Variants in CD1D observed in about 807,000 individuals in gnomAD.
CD1D encodes the protein CD1d molecule.
Under a neutral mutation model 42.1 loss-of-function variants are expected in CD1D, and 40 were observed. The ratio of observed to expected loss-of-function variants is 0.95; its 90% CI spans 0.74 to 1.24. The LOEUF (loss-of-function observed/expected upper bound fraction) is 1.24. Ranked by LOEUF, CD1D falls within the 50% of genes most tolerant of loss-of-function variation. The pLI, the probability that CD1D is intolerant of heterozygous loss-of-function variation, is 0.00. For synonymous variants in CD1D, 178 were observed against 171.8 expected (o/e 1.04, Z -0.28); for missense variants, 437 against 416.5 (o/e 1.05, Z -0.43).
chr1:158,181,993 T>A, intron 2 of CD1D, 39 bp from the exon 3 acceptor site: 1 of 1,553,140 alleles, frequency 6.4e-7, no homozygotes, highest in Non-Finnish European at 8.7e-7. Flanking sequence ...TCCCAGTCTT[T>A]TAAACCCTTC....
intron 1 of CD1D, 47 bp downstream of exon 1, chr1:158,181,209 G>C: frequency 1.3e-6 from 2 of 1,546,284 alleles, no homozygotes; most frequent in Non-Finnish European, 1.7e-6. Flanking sequence ...AGGGCGGAGA[G>C]AGGGAGCTGG....
At chr1:158,179,000 C>T (rs529529705), upstream of CD1D, among the ~76,000 whole-genome samples, 2 of 149,512 alleles carry the variant, frequency 1.3e-5, no homozygotes, top group Admixed American at 1.3e-4. Flanking sequence ...GATAAACAAA[C>T]AAAAACAAAA....
chr1:158,181,057 G>T lies in CD1D; in HGVS notation c.-45G>T. The T allele has an allele frequency of 6.6e-7, 1 of 1,508,040 alleles. No individual in the cohort carries two copies. The highest frequency in any genetic ancestry group is 8.9e-7 in the Non-Finnish European group (1 of 1,121,744). The allele number at this position is 1,508,040 out of a possible 1,614,324, so 93.4% of individuals were successfully genotyped here. A position where few individuals can be genotyped will look rare whatever the true frequency, so the allele number is the denominator to read the frequency against. ...GGGGGAGAAGAGTGCGCAGGTCAGAGGGCGGCGCGCAGCGGCGCTCCGCGA... is the reference window on the plus strand; with the variant it reads ...GGGGGAGAAGAGTGCGCAGGTCAGATGGCGGCGCGCAGCGGCGCTCCGCGA... On this transcript the variant is annotated 5_prime_UTR_variant, in exon 1 of 6. The change creates a new upstream start codon in the 5' untranslated region. Transcript: ENST00000674085.
At chr1:158,181,279 G>C in intron 1 of CD1D, 117 bp downstream of exon 1, 1 of 1,428,346 alleles carries the variant, frequency 7.0e-7, no homozygotes, top group South Asian at 1.3e-5. Context: ...GCACTGGCGC[G>C]ATCTAGGTAG....
rs2101586220 is a variant in CD1D, at chr1:158,186,346, C to T, written c.*2196C>T. On this transcript the variant is annotated 3_prime_UTR_variant, in exon 6 of 6. Transcript: ENST00000674085. ...TACTGATGTCCTTTTGGAAATGCCTCTGCATGAATTTATGGTAGCTCTGAC... is the reference window on the plus strand; with the variant it reads ...TACTGATGTCCTTTTGGAAATGCCTTTGCATGAATTTATGGTAGCTCTGAC... 6.6e-6 allele frequency among the ~76,000 whole-genome samples: 1 copy of T among 152,278 alleles called. No homozygotes were observed. Among genetic ancestry groups the T allele is most frequent in the Admixed American group, 6.5e-5 (1 of 15,292 alleles).
At chr1:158,180,748 T>C (rs1472993875), upstream of CD1D, 1 of 260,076 alleles carries the variant, frequency 3.8e-6, no homozygotes, top group African/African-American at 2.2e-5. Flanking sequence ...CAACCTTATG[T>C]CCTGCTTCCA....
In CD1D at chr1:158,182,316, C is replaced by T. The variant is rs1648480066; in HGVS notation, c.607+6C>T. ...GTCGGAACTGAAGAAGCAAGGTCAG[C>T]CTGCCTTCCTTACTCCCTGCATTCC... is the stretch of plus-strand genomic sequence containing the variant. On this transcript the variant is annotated splice_donor_region_variant and intron_variant, in intron 3 of 5. Transcript: ENST00000674085. The T allele has an allele frequency of 6.2e-7, 1 of 1,614,070 alleles. No individual in the cohort carries two copies. The highest frequency in any genetic ancestry group is 1.3e-5 in the African/African-American group (1 of 75,040).
Position 158,181,112 on chromosome 1 carries a change from T to G in CD1D, c.11T>G (p.Leu4Arg), listed in dbSNP as rs1648378075. 1 of 1,547,828 alleles carries G rather than the reference T, an allele frequency of 6.5e-7. No homozygotes were observed. Among genetic ancestry groups the G allele is most frequent in the African/African-American group, 1.4e-5 (1 of 72,930 alleles). The change falls in exon 1 of 6, where the codon CTG becomes CGG. Residue 4 changes from leucine (L) to arginine (R), a missense_variant. By Grantham distance (102) the Leu-to-Arg change is moderately radical. Transcript: ENST00000674085. The stretch of plus-strand genomic sequence containing the variant: ...CCCACGCCGGGCGATATGGGGTGCC[T>G]GCTGTTTCTGCTGCTCTGGGCGCTC... MGC[L>R]LFLLLWALLQ...
At position 158,185,443 on chromosome 1, in the gene CD1D, C is replaced by A. The variant is rs867989190; in HGVS notation, c.*1293C>A. ...CTTGGATATGCCTATAATCCAAGTG[C>A]TTTGGGAGGCTGAGATAGGAGGATT... On this transcript the variant is annotated 3_prime_UTR_variant, in exon 6 of 6. Coordinates refer to ENST00000674085, the MANE Select transcript of CD1D (RefSeq NM_001371762.2). Among the ~76,000 whole-genome samples the A allele has an allele frequency of 1.8e-4, 27 of 152,222 alleles. No homozygotes were observed. Among genetic ancestry groups the A allele is most frequent in the Non-Finnish European group, 2.9e-5 (2 of 67,988 alleles).
upstream of CD1D, among the ~76,000 whole-genome samples, chr1:158,179,299 A>C (rs3754472): frequency 6.6e-6 from 1 of 152,176 alleles, no homozygotes; most frequent in Non-Finnish European, 1.5e-5. Flanking sequence ...TGTTATTTTA[A>C]GCTTTTTTGG....
chr1:158,181,795 G>C, intron 2 of CD1D, 74 bp downstream of exon 2: 1 of 1,552,770 alleles, frequency 6.4e-7, no homozygotes, highest in Non-Finnish European at 8.8e-7. Context: ...CTGGGAGACT[G>C]TGGCACCACC....
chr1:158,183,075 G>A lies in CD1D; in HGVS notation c.805G>A (p.Val269Met), dbSNP rs1648530358. Residue 269 changes from valine (V) to methionine (M), a missense_variant, in exon 4 of 6, where the codon GTG (valine) becomes ATG (methionine). Val to Met is a conservative substitution (Grantham distance 21). Transcript: ENST00000674085. Reference sequence around the variant, plus strand: ...ATGGTATCTCCGAGCAACCCTGGATGTGGTGGCTGGGGAGGCAGCTGGCCT... The same window carrying A: ...ATGGTATCTCCGAGCAACCCTGGATATGGTGGCTGGGGAGGCAGCTGGCCT... ...ETWYLRATLD[V>M]VAGEAAGLSC... 1 of 1,614,082 alleles carries A rather than the reference G, an allele frequency of 6.2e-7. No homozygotes were observed. The highest frequency in any genetic ancestry group is 1.3e-5 in the African/African-American group (1 of 74,926).
Position 158,183,044 on chromosome 1 carries a change from C to T in CD1D, c.774C>T (p.Asp258=), listed in dbSNP as rs780403284. ...CAGGGGACATCCTGCCCAATGCTGACGAGACATGGTATCTCCGAGCAACCC... is the reference window on the plus strand; with the variant it reads ...CAGGGGACATCCTGCCCAATGCTGATGAGACATGGTATCTCCGAGCAACCC... ...TQPGDILPNA[D]ETWYLRATLD... is the part of the protein sequence containing the mutation. The change falls in exon 4 of 6, where the codon GAC becomes GAT. Residue 258 remains aspartate, a synonymous_variant. Transcript: ENST00000674085. 2.4e-5 allele frequency: 38 copies of T among 1,614,000 alleles called. No individual in the cohort carries two copies. The highest frequency in any genetic ancestry group is 7.7e-5 in the South Asian group (7 of 91,086).
Position 158,181,087 on chromosome 1 carries a change from C to A in CD1D, c.-15C>A. 6.5e-7 allele frequency: 1 copy of A among 1,543,164 alleles called. No individual in the cohort carries two copies. Among genetic ancestry groups the A allele is most frequent in the Non-Finnish European group, 8.7e-7 (1 of 1,143,560 alleles). On this transcript the variant is annotated 5_prime_UTR_variant, in exon 1 of 6. Coordinates refer to ENST00000674085, the MANE Select transcript of CD1D (RefSeq NM_001371762.2). ...GCGCGCAGCGGCGCTCCGCGAGGTC[C>A]CCACGCCGGGCGATATGGGGTGCCT...
chr1:158,183,122 C>A lies in CD1D; in HGVS notation c.852C>A (p.Ser284Arg). 1 of 1,613,296 alleles carries A rather than the reference C, an allele frequency of 6.2e-7. No homozygotes were observed. Among genetic ancestry groups the A allele is most frequent in the South Asian group, 1.1e-5 (1 of 90,978 alleles). ...GCCTGTCCTGTCGGGTGAAGCACAG[C>A]AGTCTAGAGGGCCAGGACATCGTCC... ...AAGLSCRVKH[S>R]SLEGQDIVLY... The change falls in exon 4 of 6, where the codon AGC becomes AGA. Residue 284 changes from serine to arginine, a missense_variant. Physicochemically the swap from Ser to Arg is moderately radical, Grantham distance 110 (BLOSUM62 -1). Transcript: ENST00000674085.
At chr1:158,183,229 G>A (rs146500563) in intron 4 of CD1D, 73 bp downstream of exon 4, 38 of 1,521,702 alleles carry the variant, frequency 2.5e-5, no homozygotes, top group African/African-American at 2.5e-4. Flanking sequence ...CACTGGGGTG[G>A]GATGTGGCTT....
Position 158,184,364 on chromosome 1 carries a change from A to T in CD1D, c.*214A>T. 1 of 599,292 alleles carries T rather than the reference A, an allele frequency of 1.7e-6. No homozygotes were observed. Among genetic ancestry groups the T allele is most frequent in the South Asian group, 2.1e-5 (1 of 48,546 alleles). The allele number at this position is 599,292 out of a possible 1,614,324, so 37.1% of individuals were successfully genotyped here. A position where few individuals can be genotyped will look rare whatever the true frequency, so the allele number is the denominator to read the frequency against. On this transcript the variant is annotated 3_prime_UTR_variant, in exon 6 of 6. Coordinates refer to ENST00000674085, the MANE Select transcript of CD1D (RefSeq NM_001371762.2). ...TAAATTCTTTTTCAAAAATTACACT[A>T]CAAGTTTATAAGCCCAAATGGCTCT... is the stretch of plus-strand genomic sequence containing the variant.
At chr1:158,183,201 C>T (rs1183280766) in intron 4 of CD1D, 45 bp downstream of exon 4, 1 of 1,564,744 alleles carries the variant, frequency 6.4e-7, no homozygotes, top group Non-Finnish European at 8.7e-7. Context: ...GGAGGTGGTC[C>T]TCAGGCATAG....
chr1:158,183,226 G>A (rs558792729), intron 4 of CD1D, 70 bp downstream of exon 4: 1 of 1,527,140 alleles, frequency 6.5e-7, no homozygotes, highest in African/African-American at 1.4e-5. Context: ...AGGCACTGGG[G>A]TGGGATGTGG....
Sources: allele counts gnomAD v4.1 joint callset (sites outside exome capture counted in the v4.1 genomes callset), GRCh38; gene constraint gnomAD v4.1.1; transcripts MANE v1.5; gene names NCBI Gene and HGNC (gene_info 2026-07-23, HGNC 2026-07-21).